AGR3: variants seen among roughly 807,000 people sequenced by gnomAD.
AGR3 encodes the protein anterior gradient 3, protein disulphide isomerase family member.
Under a neutral mutation model 24.5 loss-of-function variants are expected in AGR3, and 37 were observed. The ratio of observed to expected loss-of-function variants is 1.51; its 90% CI spans 1.16 to 1.99. The LOEUF (loss-of-function observed/expected upper bound fraction) is 1.99. Among genes scored for constraint, AGR3 ranks in the 30% most tolerant of loss-of-function variants. The pLI is 0.00. For missense variants in AGR3, 228 were observed against 191.1 expected (o/e 1.19, Z -1.14); for synonymous variants, 75 against 61.6 (o/e 1.22, Z -1.02).
chr7:16,864,799 T>G, intron 3 of AGR3: 1 of 951,056 alleles, frequency 1.1e-6, no homozygotes, highest in East Asian at 2.4e-5. Context: ...TTTGTTGGAA[T>G]GTATCACACC....
intron 2 of AGR3, among the ~76,000 whole-genome samples, chr7:16,875,054 G>A (rs1020386207): frequency 6.6e-6 from 1 of 150,634 alleles, no homozygotes; most frequent in Admixed American, 6.6e-5. Flanking sequence ...GGTGGATGTT[G>A]CAGTGAGCCA....
chr7:16,863,077 C>T (rs4443560), intron 3 of AGR3, among the ~76,000 whole-genome samples: 139,568 of 152,194 alleles, frequency 0.92, 64,827 homozygotes, highest in Non-Finnish European at 1. Context: ...CTCAAACAGA[C>T]AAACAAACAA....
chr7:16,869,101 A>T (rs537478357), intron 3 of AGR3, among the ~76,000 whole-genome samples: 51 of 152,252 alleles, frequency 3.3e-4, no homozygotes, highest in Admixed American at 8.5e-4. Flanking sequence ...TTCCTTATTG[A>T]CTTTTTGGAT....
intron 5 of AGR3, 95 bp from the exon 6 acceptor site, chr7:16,861,542 G>A (rs1169508571): frequency 9.3e-7 from 1 of 1,080,444 alleles, no homozygotes; most frequent in Non-Finnish European, 1.4e-6. Flanking sequence ...ATTCTATTTT[G>A]GCCTTTTATA....
At chr7:16,873,601 G>T in intron 3 of AGR3, 179 bp downstream of exon 3, 1 of 583,314 alleles carries the variant, frequency 1.7e-6, no homozygotes. Flanking sequence ...AGAGGATTTT[G>T]AGTGTTCCCA....
intron 3 of AGR3, chr7:16,864,148 G>A: frequency 1.7e-6 from 1 of 580,850 alleles, no homozygotes; most frequent in South Asian, 2.5e-5. Context: ...TACAGGAACG[G>A]AGAATTAACA....
At chr7:16,871,457 A>T (rs1781862121) in intron 3 of AGR3, among the ~76,000 whole-genome samples, 1 of 152,184 alleles carries the variant, frequency 6.6e-6, no homozygotes, top group African/African-American at 2.4e-5. Context: ...AGAGTGGAGG[A>T]TACAAAATCA....
downstream of AGR3, among the ~76,000 whole-genome samples, chr7:16,857,868 T>TCATAG (rs762182724): frequency 4.4e-4 from 67 of 152,266 alleles, no homozygotes; most frequent in Non-Finnish European, 7.8e-4. Flanking sequence ...GGTGTCTATA[T>TCATAG]CATAGACATT....
chr7:16,857,263 T>C (rs1781565946), downstream of AGR3, among the ~76,000 whole-genome samples: 1 of 152,186 alleles, frequency 6.6e-6, no homozygotes, highest in Non-Finnish European at 1.5e-5. Context: ...AATGTTGGCA[T>C]ACATATAATT....
intron 2 of AGR3, among the ~76,000 whole-genome samples, chr7:16,877,591 C>T (rs943084568): frequency 2.1e-4 from 32 of 151,750 alleles, no homozygotes; most frequent in African/African-American, 7.0e-4. Flanking sequence ...TGGCCGGGCG[C>T]GGTGGCTCAC....
At chr7:16,880,086 C>CTTCCTTCTTT (rs769215199) in intron 1 of AGR3, among the ~76,000 whole-genome samples, 15 of 138,134 alleles carry the variant, frequency 1.1e-4, no homozygotes, top group South Asian at 2.5e-4. Context: ...TCCTTCTTTC[C>CTTCCTTCTTT]CCTTCCTTCC....
intron 7 of AGR3, among the ~76,000 whole-genome samples, 185 bp from the exon 8 acceptor site, chr7:16,859,816 C>G (rs186836244): frequency 1.1e-3 from 167 of 151,982 alleles, no homozygotes; most frequent in African/African-American, 4.0e-3. Context: ...CCATTGAGAG[C>G]TGGTTGGTCA....
chr7:16,876,503 T>C (rs1487029348), intron 2 of AGR3, among the ~76,000 whole-genome samples: 1 of 152,062 alleles, frequency 6.6e-6, no homozygotes, highest in Non-Finnish European at 1.5e-5. Context: ...CCTTCTCTAC[T>C]TAACTAGTGC....
chr7:16,864,757 C>T (rs1781720645), intron 3 of AGR3: 1 of 1,257,398 alleles, frequency 8.0e-7, no homozygotes, highest in African/African-American at 1.5e-5. Flanking sequence ...AAAACTTGAT[C>T]CTTCTCCTTG....
At position 16,875,587 on chromosome 7, in the gene AGR3, C is replaced by A. The variant is rs182245291; in HGVS notation, c.110-1744G>T. ...TATGAACATACATATACAAGTTTTTCAGTGGTATATATTTTCATTTATCTT... is the reference window on the plus strand; with the variant it reads ...TATGAACATACATATACAAGTTTTTAAGTGGTATATATTTTCATTTATCTT... On this transcript the variant is annotated intron_variant, in intron 2 of 7. Transcript: ENST00000310398. Among the ~76,000 whole-genome samples the A allele has an allele frequency of 1.8e-3, 279 of 152,076 alleles. 1 individual carries two copies. Among genetic ancestry groups the A allele is most frequent in the African/African-American group, 6.5e-3 (268 of 41,480 alleles).
chr7:16,878,714 A>C, intron 1 of AGR3, 69 bp from the exon 2 acceptor site: 1 of 1,231,730 alleles, frequency 8.1e-7, no homozygotes, highest in Non-Finnish European at 1.2e-6. Flanking sequence ...GATATTTGCT[A>C]AGAGTTGGAC....
At chr7:16,876,562 A>G (rs1432456350) in intron 2 of AGR3, among the ~76,000 whole-genome samples, 1 of 152,058 alleles carries the variant, frequency 6.6e-6, no homozygotes, top group African/African-American at 2.4e-5. Context: ...TACTGTATCC[A>G]GACTTCTCCC....
chr7:16,860,476 T>G, intron 7 of AGR3, 24 bp downstream of exon 7: 3 of 1,559,424 alleles, frequency 1.9e-6, no homozygotes, highest in Non-Finnish European at 2.7e-6. Flanking sequence ...TGACCACTGT[T>G]TGAGATCATT....
At chr7:16,864,915 A>G (rs748665759) in intron 3 of AGR3, 4 of 915,668 alleles carry the variant, frequency 4.4e-6, no homozygotes, top group Non-Finnish European at 7.4e-6. Context: ...TCACAATATC[A>G]TCAATTTCCA....
Sources: gnomAD v4.1 joint callset for allele counts (sites outside exome capture counted in the v4.1 genomes callset) on GRCh38, gnomAD v4.1.1 for gene constraint, MANE v1.5 for transcripts, NCBI Gene and HGNC (gene_info 2026-07-23, HGNC 2026-07-21) for gene names.